The following RPP14 variants were observed in gnomAD, a reference collection of about 807,000 sequenced individuals.
The protein encoded by RPP14 is ribonuclease P protein subunit p14.
Under a neutral mutation model 17.8 loss-of-function variants are expected in RPP14, and 19 were observed. The ratio of observed to expected loss-of-function variants is 1.07; its 90% confidence interval spans 0.74 to 1.57. The LOEUF (loss-of-function observed/expected upper bound fraction) is 1.57, where lower values mean the gene tolerates loss of function less well. Ranked by LOEUF, RPP14 falls within the 40% of genes most tolerant of loss-of-function variation. The probability of loss-of-function intolerance (pLI) is 0.00; values close to 1 mark genes in which losing one functional copy is unlikely to be tolerated. For synonymous variants in RPP14, 60 were observed against 56.4 expected (o/e 1.06, Z -0.29); for missense variants, 125 against 140.8 (o/e 0.89, Z 0.57).
rs1224372595 is a variant in RPP14 at position 58,316,570 on chromosome 3, C to T, written c.218C>T (p.Ala73Val). The T allele has an allele frequency of 1.2e-6, 2 of 1,613,928 alleles. No homozygotes were observed. The highest frequency in any genetic ancestry group is 4.5e-5 in the East Asian group (2 of 44,878). Residue 73 changes from alanine to valine, a missense_variant, in exon 4 of 6, where the codon GCC becomes GTC. Transcript: ENST00000295959. ...ILTYEEKTLSAILRICSSGLV... is the reference protein window; with the variant it reads ...ILTYEEKTLSVILRICSSGLV... ...ACCTATGAAGAGAAGACCTTGTCAG[C>T]CATCTTGAGAATATGTAGCAGGTAT...
Position 58,318,362 on chromosome 3 carries a change from T to G in RPP14, c.*866T>G. 1 of 370,234 alleles carries G rather than the reference T, an allele frequency of 2.7e-6. No homozygotes were observed. Among genetic ancestry groups the G allele is most frequent in the Non-Finnish European group, 4.8e-6 (1 of 207,478 alleles). 22.9% of individuals were successfully genotyped at this position (370,234 alleles called of 1,614,324 possible). ...GGTTTTTTGTTTGTTTTTTGTTTTT[T>G]AATTCAAGAAGTAGGCTGGGCCCGG... On this transcript the variant is annotated 3_prime_UTR_variant, in exon 6 of 6. Transcript: ENST00000295959.
In RPP14 at chr3:58,319,408, G is replaced by T. The variant is rs1322999804; in HGVS notation, c.*1912G>T. On this transcript the variant is annotated 3_prime_UTR_variant, in exon 6 of 6. Coordinates refer to ENST00000295959, the MANE Select transcript of RPP14 (RefSeq NM_007042.6). ...GTTAAGCACAGGGCCCAGCCTGTCAGCAGTAGCTACTATTATTGTTGCCCA... is the reference window on the plus strand; with the variant it reads ...GTTAAGCACAGGGCCCAGCCTGTCATCAGTAGCTACTATTATTGTTGCCCA... The T allele has an allele frequency of 6.6e-6, 1 of 152,228 alleles. No homozygotes were observed. The highest frequency in any genetic ancestry group is 6.5e-5 in the Admixed American group (1 of 15,278). The allele number at this position is 152,228 out of a possible 1,614,324, so 9.4% of individuals were successfully genotyped here.
At chr3:58,313,335 GA>G (rs1486845927) in intron 3 of RPP14, among the ~76,000 whole-genome samples, 8 of 152,140 alleles carry the variant, frequency 5.3e-5, no homozygotes, top group Admixed American at 2.0e-4. Flanking sequence ...TTTATATTCT[GA>G]TTCAACTCAT....
chr3:58,310,227 A>C (rs533991298), intron 1 of RPP14, 82 bp from the exon 2 acceptor site: 19 of 1,100,948 alleles, frequency 1.7e-5, no homozygotes, highest in South Asian at 1.2e-4. Context: ...AACAAAAAAA[A>C]CCCAAATAGG....
intron 1 of RPP14, among the ~76,000 whole-genome samples, chr3:58,307,257 A>C (rs1399935450): frequency 6.6e-6 from 1 of 152,186 alleles, no homozygotes; most frequent in Non-Finnish European, 1.5e-5. Flanking sequence ...CTTTGGCCTT[A>C]CTCTGGATAA....
At chr3:58,312,065 A>G (rs540877909) in intron 3 of RPP14, among the ~76,000 whole-genome samples, 101 of 151,220 alleles carry the variant, frequency 6.7e-4, no homozygotes, top group African/African-American at 1.0e-3. Context: ...AGGTCTCACT[A>G]TGTTGCCCAG....
At position 58,311,624 on chromosome 3, in the gene RPP14, C is replaced by CT. The variant is rs1336763272; in HGVS notation, c.162+1045dup. Reference sequence around the variant, plus strand: ...TAATATTCCATTGTAATATATACCACTTTTTTTTTTTTATCCATTGATGGG... The same window carrying CT: ...TAATATTCCATTGTAATATATACCACTTTTTTTTTTTTTATCCATTGATGGG... On this transcript the variant is annotated intron_variant, in intron 3 of 5. Transcript: ENST00000295959. 1.2e-3 allele frequency among the ~76,000 whole-genome samples: 179 copies of CT among 144,146 alleles called. 1 individual carries two copies. The highest frequency in any genetic ancestry group is 0.012 in the East Asian group (59 of 4,990). The allele number at this position is 144,146 out of a possible 152,430, so 94.6% of individuals were successfully genotyped here.
At chr3:58,316,863 C>A in intron 4 of RPP14, 52 bp from the exon 5 acceptor site, 2 of 1,439,760 alleles carry the variant, frequency 1.4e-6, no homozygotes, top group South Asian at 2.4e-5. Context: ...AGTTGAAGTT[C>A]ATTTTGTTCT....
intron 1 of RPP14, among the ~76,000 whole-genome samples, chr3:58,308,406 C>T (rs1185400831): frequency 6.6e-6 from 1 of 152,104 alleles, no homozygotes; most frequent in African/African-American, 2.4e-5. Flanking sequence ...ACCTCAGCCC[C>T]TGGAGTAGCT....
At chr3:58,312,612 CTT>C (rs1437681745) in intron 3 of RPP14, among the ~76,000 whole-genome samples, 1 of 152,232 alleles carries the variant, frequency 6.6e-6, no homozygotes, top group East Asian at 1.9e-4. Context: ...CCTGCAAACT[CTT>C]TTCCCATCTT....
rs1161473704 is a variant in RPP14, at chr3:58,319,266, T to A, written c.*1770T>A. ...CATCTTAGTCTACCTTCAGTGAGAC[T>A]TGCGTTTCAGGGGAGGGGCGTATGT... On this transcript the variant is annotated 3_prime_UTR_variant, in exon 6 of 6. Coordinates refer to ENST00000295959, the MANE Select transcript of RPP14 (RefSeq NM_007042.6). 6.6e-6 allele frequency: 1 copy of A among 152,228 alleles called. No homozygotes were observed. Among genetic ancestry groups the A allele is most frequent in the Non-Finnish European group, 1.5e-5 (1 of 68,044 alleles). The allele number at this position is 152,228 out of a possible 1,614,324, so 9.4% of individuals were successfully genotyped here.
intron 1 of RPP14, among the ~76,000 whole-genome samples, chr3:58,308,862 G>T (rs547249948): frequency 2.0e-5 from 3 of 152,202 alleles, no homozygotes; most frequent in Non-Finnish European, 4.4e-5. Flanking sequence ...TCATGAAGAG[G>T]TGGTATTTAA....
chr3:58,315,608 A>G (rs2097487392), intron 3 of RPP14: 1 of 152,248 alleles, frequency 6.6e-6, no homozygotes, highest in Non-Finnish European at 1.5e-5. Context: ...TACTGTAGTT[A>G]CGCAAGACAT....
chr3:58,306,641 C>G (rs548075297), intron 1 of RPP14: 4 of 151,844 alleles, frequency 2.6e-5, no homozygotes, highest in African/African-American at 9.7e-5. Context: ...TCTCCATGCG[C>G]CCGGCGCGAG....
At chr3:58,316,881 T>C in intron 4 of RPP14, 34 bp from the exon 5 acceptor site, 6 of 1,546,998 alleles carry the variant, frequency 3.9e-6, no homozygotes, top group Non-Finnish European at 5.3e-6. Flanking sequence ...TCTCTGTCTA[T>C]GACACACTAT....
chr3:58,309,327 G>A (rs1430270433), intron 1 of RPP14, among the ~76,000 whole-genome samples: 2 of 152,114 alleles, frequency 1.3e-5, no homozygotes, highest in Non-Finnish European at 2.9e-5. Flanking sequence ...TGTTACCTAC[G>A]TTTACTAAAC....
chr3:58,308,618 C>T (rs372540952), intron 1 of RPP14, among the ~76,000 whole-genome samples: 1 of 152,188 alleles, frequency 6.6e-6, no homozygotes, highest in Admixed American at 6.5e-5. Context: ...CTCCTTGACC[C>T]TGACTTCTTT....
chr3:58,314,076 C>T (rs893883593), intron 3 of RPP14, among the ~76,000 whole-genome samples: 9 of 152,046 alleles, frequency 5.9e-5, no homozygotes, highest in African/African-American at 1.4e-4. Context: ...ACACATGGGG[C>T]GTGGTGGCTC....
Position 58,310,722 on chromosome 3 carries a change from GA to G in RPP14, c.162+132del, listed in dbSNP as rs1373510885. On this transcript the variant is annotated intron_variant, in intron 3 of 5. Coordinates refer to ENST00000295959, the MANE Select transcript of RPP14 (RefSeq NM_007042.6). ...CGAGGTGGGCAGATCATGAGGTCAAGAGATCGAGACCATCCTGGCCAACATG... is the reference window on the plus strand; with the variant it reads ...CGAGGTGGGCAGATCATGAGGTCAAGGATCGAGACCATCCTGGCCAACATG... 4 of 673,016 alleles carry G rather than the reference GA, an allele frequency of 5.9e-6. No homozygotes were observed. The East Asian group carries it at 1.1e-4, about 18-fold the overall frequency. The allele number at this position is 673,016 out of a possible 1,614,324, so 41.7% of individuals were successfully genotyped here.
Sources: gnomAD v4.1 joint callset for allele counts (sites outside exome capture counted in the v4.1 genomes callset) on GRCh38, gnomAD v4.1.1 for gene constraint, MANE v1.5 for transcripts, NCBI Gene and HGNC (gene_info 2026-07-23, HGNC 2026-07-21) for gene names.